Variants in CAP2 observed in about 807,000 individuals in gnomAD.
CAP2 encodes cyclase associated actin cytoskeleton regulatory protein 2, also known as adenylyl cyclase-associated protein 2.
Under a neutral mutation model 57.7 loss-of-function variants are expected in CAP2, and 24 were observed. The observed-to-expected ratio is 0.42, with a 90% CI of 0.30 to 0.58. The LOEUF (loss-of-function observed/expected upper bound fraction) is 0.58. Among genes scored for constraint, CAP2 ranks in the 20% least tolerant of loss-of-function variants. The pLI is 0.22. For synonymous variants in CAP2, 194 were observed against 207.2 expected (o/e 0.94, Z 0.55); for missense variants, 501 against 590.3 (o/e 0.85, Z 1.57).
chr6:17,492,916 G>A (rs1049694758), intron 4 of CAP2, among the ~76,000 whole-genome samples: 1 of 152,130 alleles, frequency 6.6e-6, no homozygotes, highest in Admixed American at 6.5e-5. Flanking sequence ...CACCTAGTAG[G>A]TGCTCAATAA....
chr6:17,491,641 T>G (rs1464547666), intron 4 of CAP2, among the ~76,000 whole-genome samples: 1 of 152,138 alleles, frequency 6.6e-6, no homozygotes, highest in Admixed American at 6.5e-5. Context: ...AGCCAATGCT[T>G]TTTTTGTTTT....
intron 7 of CAP2, among the ~76,000 whole-genome samples, chr6:17,534,633 T>C (rs1762728509): frequency 6.6e-6 from 1 of 152,184 alleles, no homozygotes; most frequent in African/African-American, 2.4e-5. Flanking sequence ...CCCCCTCTCC[T>C]GTGGGCTCTG....
At chr6:17,410,801 T>C (rs6459543) in intron 1 of CAP2, among the ~76,000 whole-genome samples, 66,647 of 151,956 alleles carry the variant, frequency 0.44, 17,412 homozygotes, top group African/African-American at 0.73. Flanking sequence ...CCTCGTGATC[T>C]GCCCGCTTCG....
chr6:17,422,381 A>C, intron 2 of CAP2, among the ~76,000 whole-genome samples: 2 of 108,312 alleles, frequency 1.8e-5, no homozygotes, highest in Admixed American at 1.3e-4. Context: ...TTGGAGTCTC[A>C]CTCTGTTGCC....
At chr6:17,399,481 G>A (rs556145096) in intron 1 of CAP2, among the ~76,000 whole-genome samples, 3 of 152,150 alleles carry the variant, frequency 2.0e-5, no homozygotes, top group Non-Finnish European at 4.4e-5. Flanking sequence ...TGAAGGGATT[G>A]TTTCCCTTTC....
At chr6:17,540,920 G>A (rs1762882853) in intron 8 of CAP2, 53 bp from the exon 9 acceptor site, 1 of 1,523,604 alleles carries the variant, frequency 6.6e-7, no homozygotes, top group Non-Finnish European at 8.9e-7. Flanking sequence ...TAGCAAGTTA[G>A]AGACATTTCC....
chr6:17,516,602 CA>C (rs1234863755), intron 7 of CAP2, among the ~76,000 whole-genome samples: 3 of 152,188 alleles, frequency 2.0e-5, no homozygotes, highest in Non-Finnish European at 4.4e-5. Flanking sequence ...TCACCAAAAA[CA>C]TATGGAAATC....
At chr6:17,418,944 A>G (rs1759358224) in intron 1 of CAP2, among the ~76,000 whole-genome samples, 1 of 152,180 alleles carries the variant, frequency 6.6e-6, no homozygotes, top group Admixed American at 6.5e-5. Context: ...TAGATGAGAA[A>G]TTTCTAATTT....
chr6:17,543,002 TAAACAAGCTG>T (rs1293070093), intron 10 of CAP2, 42 bp downstream of exon 10: 2 of 1,612,920 alleles, frequency 1.2e-6, no homozygotes, highest in South Asian at 2.2e-5. Context: ...TGATGTTTTA[TAAACAAGCTG>T]TATGTATTTA....
At chr6:17,426,562 G>C in intron 2 of CAP2, 28 bp from the exon 3 acceptor site, 2 of 1,539,878 alleles carry the variant, frequency 1.3e-6, no homozygotes, top group South Asian at 2.2e-5. Flanking sequence ...CAACGGCCAG[G>C]GAATAACAAA....
chr6:17,473,921 C>T (rs899074288), intron 4 of CAP2, among the ~76,000 whole-genome samples: 2 of 152,120 alleles, frequency 1.3e-5, no homozygotes, highest in Non-Finnish European at 2.9e-5. Context: ...TCCATAAGTA[C>T]TAAAACTACA....
intron 3 of CAP2, among the ~76,000 whole-genome samples, chr6:17,442,852 G>A (rs759696126): frequency 4.0e-4 from 61 of 151,832 alleles, no homozygotes; most frequent in Non-Finnish European, 7.1e-4. Context: ...CGAGTAGCTG[G>A]AACTACAGAT....
intron 2 of CAP2, among the ~76,000 whole-genome samples, chr6:17,423,607 T>G (rs1406397549): frequency 6.6e-6 from 1 of 152,006 alleles, no homozygotes; most frequent in Non-Finnish European, 1.5e-5. Context: ...GGAGACTATA[T>G]AGTATTATTG....
chr6:17,524,900 T>TTC (rs2113680037), intron 7 of CAP2, among the ~76,000 whole-genome samples: 1 of 127,934 alleles, frequency 7.8e-6, no homozygotes, highest in Non-Finnish European at 1.8e-5. Context: ...TTTCTTTTTT[T>TTC]TTTTTTTTTT....
At chr6:17,507,521 C>A in intron 5 of CAP2, 120 bp from the exon 6 acceptor site, 1 of 792,998 alleles carries the variant, frequency 1.3e-6, no homozygotes, top group Non-Finnish European at 2.2e-6. Context: ...TACAGAGCAA[C>A]ATGTGCCTCC....
chr6:17,487,152 T>C (rs1468765203), intron 4 of CAP2, among the ~76,000 whole-genome samples: 1 of 152,144 alleles, frequency 6.6e-6, no homozygotes. Context: ...AAAGAAGCCA[T>C]CCTCGTGCCT....
chr6:17,511,650 C>T (rs1561810881), intron 6 of CAP2, among the ~76,000 whole-genome samples: 2 of 152,086 alleles, frequency 1.3e-5, no homozygotes, highest in East Asian at 1.9e-4. Context: ...GACGGAGTTT[C>T]GCCATGTTGG....
rs553381777 is a variant in CAP2 at position 17,546,135 on chromosome 6, T to C, written c.1209+2992T>C. Among the ~76,000 whole-genome samples, 669 of 152,338 alleles carry C rather than the reference T, an allele frequency of 4.4e-3. 4 individuals carry two copies. Among genetic ancestry groups the C allele is most frequent in the African/African-American group, 0.016 (653 of 41,578 alleles). On this transcript the variant is annotated intron_variant, in intron 11 of 12. Transcript: ENST00000229922. The stretch of plus-strand genomic sequence containing the variant: ...ATCACCACGCTGTCTTCCACAATGG[T>C]TGAACTAGTTTACAGTCCCACCAAC...
Position 17,552,782 on chromosome 6 carries a change from G to A in CAP2, c.1350+1178G>A, listed in dbSNP as rs572601043. On this transcript the variant is annotated intron_variant, in intron 12 of 12. Coordinates refer to ENST00000229922, the MANE Select transcript of CAP2 (RefSeq NM_006366.3). ...CTCAGCCTAAGGGGTCAATTGCCAG[G>A]GCCTACACAGCAATCAACACACAGG... is the stretch of plus-strand genomic sequence containing the variant. Among the ~76,000 whole-genome samples the A allele has an allele frequency of 3.3e-5, 5 of 152,238 alleles. No individual in the cohort carries two copies. The South Asian group carries it at 1.0e-3, about 32-fold the overall frequency.
Sources: allele counts gnomAD v4.1 joint callset (sites outside exome capture counted in the v4.1 genomes callset), GRCh38; gene constraint gnomAD v4.1.1; transcripts MANE v1.5; gene names NCBI Gene and HGNC (gene_info 2026-07-23, HGNC 2026-07-21).